PLCXD3: variants seen among roughly 807,000 people sequenced by gnomAD.
PLCXD3 encodes PI-PLC X domain-containing protein 3.
PLCXD3 carries 19 observed loss-of-function variants against 25.5 expected under a neutral mutation model. The ratio of observed to expected loss-of-function variants is 0.75; its 90% CI spans 0.52 to 1.09. The LOEUF is 1.09. Among genes scored for constraint, PLCXD3 ranks in the 50% least tolerant of loss-of-function variants. The pLI is 0.00. For missense variants in PLCXD3, 411 were observed against 388.1 expected (o/e 1.06, Z -0.50); for synonymous variants, 174 against 137.6 (o/e 1.26, Z -1.85).
chr5:41,444,542 T>C (rs1747453760), intron 1 of PLCXD3, among the ~76,000 whole-genome samples: 1 of 152,180 alleles, frequency 6.6e-6, no homozygotes, highest in African/African-American at 2.4e-5. Context: ...ATTCTTATTT[T>C]GTCCCCACCA....
chr5:41,403,413 T>TTTTTTG (rs1178334780), intron 1 of PLCXD3, among the ~76,000 whole-genome samples: 3 of 32,190 alleles, frequency 9.3e-5, no homozygotes, highest in East Asian at 3.0e-4. Flanking sequence ...TTTTTTTTTT[T>TTTTTTG]TTTATTATAC....
intron 2 of PLCXD3, among the ~76,000 whole-genome samples, chr5:41,322,925 G>A (rs1561231554): frequency 6.7e-6 from 1 of 150,224 alleles, no homozygotes; most frequent in Non-Finnish European, 1.5e-5. Flanking sequence ...AGTGAGTCAA[G>A]TTCGCACCAC....
chr5:41,477,589 C>G (rs1748308864), intron 1 of PLCXD3, among the ~76,000 whole-genome samples: 2 of 151,996 alleles, frequency 1.3e-5, no homozygotes, highest in South Asian at 4.2e-4. Context: ...CAAGATGTCC[C>G]TCCCATGATT....
chr5:41,308,163 G>A lies in PLCXD3; in HGVS notation c.*5454C>T, dbSNP rs1314350660. 6.6e-6 allele frequency: 1 copy of A among 152,120 alleles called. No homozygotes were observed. The highest frequency in any genetic ancestry group is 1.5e-5 in the Non-Finnish European group (1 of 68,030). 9.4% of individuals were successfully genotyped at this position (152,120 alleles called of 1,614,324 possible). ...GAACACAAGGGTATGGAGGGAGGTA[G>A]ATCTCGCCCCTTATAGATAGCCCAG... On this transcript the variant is annotated 3_prime_UTR_variant, in exon 3 of 3. Transcript: ENST00000377801.
intron 2 of PLCXD3, among the ~76,000 whole-genome samples, chr5:41,378,911 A>G (rs887631630): frequency 6.6e-6 from 1 of 152,090 alleles, no homozygotes; most frequent in African/African-American, 2.4e-5. Context: ...GAGGAAAAAA[A>G]TGAAAATCAT....
intron 2 of PLCXD3, among the ~76,000 whole-genome samples, chr5:41,350,813 A>G (rs573910833): frequency 6.6e-6 from 1 of 152,342 alleles, no homozygotes; most frequent in East Asian, 1.9e-4. Context: ...ATATTGCATA[A>G]GCAAAATCTC....
chr5:41,339,255 A>G (rs898813364), intron 2 of PLCXD3, among the ~76,000 whole-genome samples: 27 of 152,242 alleles, frequency 1.8e-4, no homozygotes, highest in African/African-American at 6.5e-4. Context: ...AAAGTCCTCA[A>G]GAGTGATCCA....
At position 41,341,716 on chromosome 5, in the gene PLCXD3, GA is replaced by G. The variant is rs890161947; in HGVS notation, c.813-27947del. ...TGGATAAATAGGCAAGGCCATGGTA[GA>G]AAAAAAAAAGTTCTTATCACTTATT... On this transcript the variant is annotated intron_variant, in intron 2 of 2. Transcript: ENST00000377801. Among the ~76,000 whole-genome samples the G allele has an allele frequency of 4.6e-3, 680 of 148,598 alleles. 6 individuals carry two copies. Among genetic ancestry groups the G allele is most frequent in the African/African-American group, 0.015 (615 of 40,632 alleles).
chr5:41,431,503 A>G (rs1226752438), intron 1 of PLCXD3, among the ~76,000 whole-genome samples: 4 of 152,232 alleles, frequency 2.6e-5, no homozygotes, highest in Non-Finnish European at 5.9e-5. Context: ...TTCATGCCAA[A>G]GTGGATCACT....
chr5:41,435,521 A>G (rs1245556726), intron 1 of PLCXD3, among the ~76,000 whole-genome samples: 1 of 152,188 alleles, frequency 6.6e-6, no homozygotes, highest in Non-Finnish European at 1.5e-5. Context: ...GCACTGGGCT[A>G]GATGGGAAAG....
At position 41,312,088 on chromosome 5, in the gene PLCXD3, C is replaced by G. The variant is rs1445259768; in HGVS notation, c.*1529G>C. The G allele has an allele frequency of 2.7e-5, 4 of 147,374 alleles. 1 individual carries two copies. Among genetic ancestry groups the G allele is most frequent in the African/African-American group, 7.9e-5 (3 of 37,786 alleles). 9.1% of individuals were successfully genotyped at this position (147,374 alleles called of 1,614,324 possible). A position where few individuals can be genotyped will look rare whatever the true frequency, so the allele number is the denominator to read the frequency against. The stretch of plus-strand genomic sequence containing the variant: ...GTACATAGGCAAGGATTATTGTGCT[C>G]TAAGTTTTTTTTTTTTATTTTTTAG... On this transcript the variant is annotated 3_prime_UTR_variant, in exon 3 of 3. Coordinates refer to ENST00000377801, the MANE Select transcript of PLCXD3 (RefSeq NM_001005473.3).
At chr5:41,477,669 C>CA (rs201936866) in intron 1 of PLCXD3, among the ~76,000 whole-genome samples, 20 of 149,830 alleles carry the variant, frequency 1.3e-4, no homozygotes, top group African/African-American at 2.9e-4. Flanking sequence ...AGTTTGCTTC[C>CA]AAAAAAAAAT....
intron 1 of PLCXD3, among the ~76,000 whole-genome samples, chr5:41,443,195 C>A (rs1289952115): frequency 8.6e-5 from 13 of 151,552 alleles, no homozygotes; most frequent in Admixed American, 8.6e-4. Flanking sequence ...CCACAATGGT[C>A]ACATGAGATT....
rs188753722 is a variant in PLCXD3, at chr5:41,308,215, A to T, written c.*5402T>A. The T allele has an allele frequency of 2.0e-5, 3 of 152,152 alleles. No homozygotes were observed. The highest frequency in any genetic ancestry group is 7.2e-5 in the African/African-American group (3 of 41,450). The allele number at this position is 152,152 out of a possible 1,614,324, so 9.4% of individuals were successfully genotyped here. Reference sequence around the variant, plus strand: ...TGAAAAAGATAGAAAGGCAGTGTGGATAGAATTGTGAGATTTAGGAAAAAA... The same window carrying T: ...TGAAAAAGATAGAAAGGCAGTGTGGTTAGAATTGTGAGATTTAGGAAAAAA... On this transcript the variant is annotated 3_prime_UTR_variant, in exon 3 of 3. Transcript: ENST00000377801.
intron 1 of PLCXD3, among the ~76,000 whole-genome samples, chr5:41,462,739 C>T (rs921620099): frequency 1.3e-4 from 19 of 151,456 alleles, no homozygotes; most frequent in Admixed American, 5.9e-4. Context: ...GAGCTGAGAT[C>T]GCATCATTTC....
At chr5:41,504,956 C>G (rs1367837926) in intron 1 of PLCXD3, among the ~76,000 whole-genome samples, 1 of 152,156 alleles carries the variant, frequency 6.6e-6, no homozygotes, top group Non-Finnish European at 1.5e-5. Flanking sequence ...GTAGAGAACA[C>G]TATGTTTTGT....
intron 2 of PLCXD3, among the ~76,000 whole-genome samples, chr5:41,367,910 T>G (rs138513640): frequency 1.1e-3 from 175 of 152,320 alleles, no homozygotes; most frequent in African/African-American, 3.9e-3. Context: ...CTTTTCTCAT[T>G]GCTCATTTTT....
Position 41,382,159 on chromosome 5 carries a change from T to C in PLCXD3, c.479A>G (p.Gln160Arg). The C allele has an allele frequency of 6.2e-7, 1 of 1,613,784 alleles. No individual in the cohort carries two copies. The highest frequency in any genetic ancestry group is 8.5e-7 in the Non-Finnish European group (1 of 1,179,790). The change falls in exon 2 of 3, where the codon CAA becomes CGA. Residue 160 changes from glutamine to arginine, a missense_variant. Transcript: ENST00000377801. ...ATTTCCATAGATGTCTTTCAGCATTTGGACCAGTTTTTCATGGTGATATTT... is the reference window on the plus strand; with the variant it reads ...ATTTCCATAGATGTCTTTCAGCATTCGGACCAGTTTTTCATGGTGATATTT... ...MQKYHHEKLV[Q>R]MLKDIYGNKM...
At chr5:41,501,564 A>G (rs1411870275) in intron 1 of PLCXD3, among the ~76,000 whole-genome samples, 1 of 152,010 alleles carries the variant, frequency 6.6e-6, no homozygotes, top group South Asian at 2.1e-4. Flanking sequence ...TTTCTATTCA[A>G]CAGGTATCAA....
Sources: gnomAD v4.1 joint callset for allele counts (sites outside exome capture counted in the v4.1 genomes callset) on GRCh38, gnomAD v4.1.1 for gene constraint, MANE v1.5 for transcripts, NCBI Gene and HGNC (gene_info 2026-07-23, HGNC 2026-07-21) for gene names.